Variants in CHD1 observed in about 807,000 individuals in gnomAD.
CHD1 encodes the protein ATP-dependent chromatin remodeler CHD1.
CHD1 carries 36 observed loss-of-function variants against 224.2 expected under a neutral mutation model. That is an observed-to-expected ratio of 0.16 (90% confidence interval 0.12 to 0.21). CHD1 has a LOEUF of 0.21. Ranked by LOEUF, CHD1 falls within the 10% of genes least tolerant of loss-of-function variation. The pLI, the probability that CHD1 is intolerant of heterozygous loss-of-function variation, is 1.00. For synonymous variants in CHD1, 668 were observed against 658.3 expected (o/e 1.01, Z -0.23); for missense variants, 1,378 against 1,994.8 (o/e 0.69, Z 5.89).
chr5:98,900,377 C>T (rs765089382), intron 7 of CHD1, among the ~76,000 whole-genome samples: 1 of 149,284 alleles, frequency 6.7e-6, no homozygotes, highest in African/African-American at 2.4e-5. Flanking sequence ...ATAAGTAAAA[C>T]AACAACAACA....
chr5:98,871,731 T>C (rs1413427370), intron 28 of CHD1, among the ~76,000 whole-genome samples: 2 of 152,156 alleles, frequency 1.3e-5, no homozygotes, highest in African/African-American at 2.4e-5. Context: ...AATTATCACA[T>C]GCATCCAAAA....
chr5:98,879,847 C>G, intron 22 of CHD1, 119 bp from the exon 23 acceptor site: 1 of 608,232 alleles, frequency 1.6e-6, no homozygotes, highest in Non-Finnish European at 2.8e-6. Flanking sequence ...TGGACTAAAC[C>G]AAATATAACT....
chr5:98,926,970 C>T (rs1174432584), intron 1 of CHD1, among the ~76,000 whole-genome samples: 1 of 151,078 alleles, frequency 6.6e-6, no homozygotes, highest in Admixed American at 6.6e-5. Context: ...ACTCCTATCA[C>T]CAAGAACTTC....
At chr5:98,879,796 G>T in intron 22 of CHD1, 68 bp from the exon 23 acceptor site, 1 of 939,002 alleles carries the variant, frequency 1.1e-6, no homozygotes. Flanking sequence ...TTTTTTTAAG[G>T]GGAAGAACTG....
chr5:98,893,717 T>C, intron 13 of CHD1, 111 bp from the exon 14 acceptor site: 1 of 685,304 alleles, frequency 1.5e-6, no homozygotes, highest in South Asian at 2.1e-5. Context: ...AAAACAAACT[T>C]TGTCTAATTT....
At position 98,883,112 on chromosome 5, in the gene CHD1, G is replaced by C. The variant is rs1185959864; in HGVS notation, c.2694C>G (p.Ala898=). Reference sequence around the variant, plus strand: ...CCTGTTTCTTTTGCCCAATTCGATGGGCTCTAGCCTGTGCCTGAAGATCAT... The same window carrying C: ...CCTGTTTCTTTTGCCCAATTCGATGCGCTCTAGCCTGTGCCTGAAGATCAT... The part of the protein sequence containing the change: ...PQNDLQAQAR[A]HRIGQKKQVN... The change falls in exon 19 of 36, where the codon GCC becomes GCG. Residue 898 remains alanine, a synonymous_variant. Transcript: ENST00000614616. 9 of 1,510,744 alleles carry C rather than the reference G, an allele frequency of 6.0e-6. No individual in the cohort carries two copies. Among genetic ancestry groups the C allele is most frequent in the African/African-American group, 4.2e-5 (3 of 70,652 alleles). 93.6% of individuals were successfully genotyped at this position (1,510,744 alleles called of 1,614,324 possible).
At chr5:98,911,141 AAAAAAATATAT>A (rs1752367662) in intron 2 of CHD1, among the ~76,000 whole-genome samples, 1 of 114,744 alleles carries the variant, frequency 8.7e-6, no homozygotes, top group South Asian at 2.8e-4. Flanking sequence ...AAAAAAAAAA[AAAAAAATATAT>A]ATATATATAT....
chr5:98,866,368 T>C (rs1748867395), intron 31 of CHD1, among the ~76,000 whole-genome samples: 1 of 152,116 alleles, frequency 6.6e-6, no homozygotes, highest in Non-Finnish European at 1.5e-5. Flanking sequence ...TTAAAGAGCA[T>C]GAACAATAGT....
chr5:98,882,875 C>G (rs1750295555), intron 19 of CHD1, among the ~76,000 whole-genome samples: 1 of 152,038 alleles, frequency 6.6e-6, no homozygotes, highest in East Asian at 1.9e-4. Context: ...GGGATCAAAA[C>G]AGAATACATG....
chr5:98,925,166 T>C (rs938891419), intron 2 of CHD1, among the ~76,000 whole-genome samples: 3 of 152,218 alleles, frequency 2.0e-5, no homozygotes, highest in African/African-American at 7.2e-5. Context: ...ACACAAAACA[T>C]GCTGGTTACA....
intron 28 of CHD1, 151 bp from the exon 29 acceptor site, chr5:98,870,954 ATTT>A (rs1242694112): frequency 4.6e-6 from 2 of 439,198 alleles, no homozygotes; most frequent in East Asian, 7.0e-5. Flanking sequence ...TGCAAAATGT[ATTT>A]TTTATACGTA....
chr5:98,908,458 T>C (rs1283603719), intron 2 of CHD1, among the ~76,000 whole-genome samples: 1 of 152,186 alleles, frequency 6.6e-6, no homozygotes, highest in Non-Finnish European at 1.5e-5. Context: ...CTTATGTTCC[T>C]TGAGCGCTGG....
chr5:98,920,135 TAAGCTGGATTACAACTCA>T (rs1403683080), intron 2 of CHD1, among the ~76,000 whole-genome samples: 1 of 152,050 alleles, frequency 6.6e-6, no homozygotes, highest in Non-Finnish European at 1.5e-5. Flanking sequence ...TGTAATCCAC[TAAGCTGGATTACAACTCA>T]AAGCACATAC....
At chr5:98,874,247 C>T (rs1749576482) in intron 25 of CHD1, among the ~76,000 whole-genome samples, 1 of 151,866 alleles carries the variant, frequency 6.6e-6, no homozygotes, top group African/African-American at 2.4e-5. Context: ...TGAGTCTTTG[C>T]TGATCTATAT....
intron 2 of CHD1, among the ~76,000 whole-genome samples, chr5:98,906,786 C>T (rs895349163): frequency 6.6e-6 from 1 of 152,146 alleles, no homozygotes; most frequent in African/African-American, 2.4e-5. Flanking sequence ...AATGTGAGTT[C>T]TATTAAATTA....
chr5:98,919,271 T>C (rs973091760), intron 2 of CHD1, among the ~76,000 whole-genome samples: 1 of 152,202 alleles, frequency 6.6e-6, no homozygotes, highest in African/African-American at 2.4e-5. Context: ...CAAAGAACTG[T>C]GCATCATTGA....
intron 19 of CHD1, among the ~76,000 whole-genome samples, 170 bp from the exon 20 acceptor site, chr5:98,882,293 T>G (rs1750248171): frequency 6.6e-6 from 1 of 152,176 alleles, no homozygotes. Flanking sequence ...GTTCCTCAAC[T>G]TAAGGGACTA....
chr5:98,860,251 C>G, intron 32 of CHD1, 183 bp from the exon 33 acceptor site: 1 of 575,490 alleles, frequency 1.7e-6, no homozygotes, highest in East Asian at 3.6e-5. Context: ...GACTAAGACT[C>G]CAGTGAAACT....
intron 7 of CHD1, 135 bp from the exon 8 acceptor site, chr5:98,899,840 G>T: frequency 1.7e-6 from 1 of 590,808 alleles, no homozygotes; most frequent in Non-Finnish European, 2.9e-6. Context: ...AGAAACTTAT[G>T]GGAAATTCTA....
Sources: allele counts gnomAD v4.1 joint callset (sites outside exome capture counted in the v4.1 genomes callset), GRCh38; gene constraint gnomAD v4.1.1; transcripts MANE v1.5; gene names NCBI Gene and HGNC (gene_info 2026-07-23, HGNC 2026-07-21).